Variants in NEK11 observed in about 807,000 individuals in gnomAD.
NEK11 encodes NIMA related kinase 11, also known as serine/threonine-protein kinase Nek11.
In NEK11, 72 loss-of-function variants were observed where a neutral mutation model predicts 80.7. That is an observed-to-expected ratio of 0.89 (90% CI 0.74 to 1.08). NEK11 has a LOEUF of 1.08. Ranked by LOEUF, NEK11 falls within the 50% of genes least tolerant of loss-of-function variation. NEK11 has a pLI of 0.00. For missense variants in NEK11, 764 were observed against 763.6 expected, an observed-to-expected ratio of 1.00 and a Z score of -0.01; for synonymous variants, 251 against 260.7, an observed-to-expected ratio of 0.96 and a Z score of 0.36.
intron 16 of NEK11, 37 bp downstream of exon 16, chr3:131,243,533 A>G: frequency 1.3e-6 from 2 of 1,510,352 alleles, no homozygotes; most frequent in Non-Finnish European, 1.8e-6. Context: ...ATACATTGAC[A>G]GCTACTGATT....
At chr3:131,300,498 T>C (rs2096649363) in intron 17 of NEK11, among the ~76,000 whole-genome samples, 1 of 152,198 alleles carries the variant, frequency 6.6e-6, no homozygotes, top group African/African-American at 2.4e-5. Context: ...CCTTCCAGGA[T>C]TTTTATTGTT....
At chr3:131,048,297 C>G (rs1279010522) in intron 3 of NEK11, among the ~76,000 whole-genome samples, 2 of 152,172 alleles carry the variant, frequency 1.3e-5, no homozygotes, top group African/African-American at 4.8e-5. Context: ...CGCCCCCTCC[C>G]CCAGGTTCTG....
At chr3:131,206,584 T>G (rs1313683758) in intron 14 of NEK11, among the ~76,000 whole-genome samples, 1 of 152,178 alleles carries the variant, frequency 6.6e-6, no homozygotes, top group Non-Finnish European at 1.5e-5. Context: ...AAGCAAAAAT[T>G]AAAGTAAGAA....
intron 3 of NEK11, among the ~76,000 whole-genome samples, chr3:131,067,248 TA>T (rs1320405216): frequency 3.9e-5 from 6 of 152,204 alleles, no homozygotes; most frequent in African/African-American, 1.2e-4. Context: ...CTGTGACAAG[TA>T]AAGTACCTTC....
intron 16 of NEK11, among the ~76,000 whole-genome samples, chr3:131,249,219 T>C (rs926379023): frequency 2.0e-5 from 3 of 151,990 alleles, no homozygotes; most frequent in African/African-American, 7.2e-5. Flanking sequence ...GATAACTGAT[T>C]TAGAAAACAG....
chr3:131,335,037 G>A (rs1316434781), intron 17 of NEK11, among the ~76,000 whole-genome samples: 1 of 152,098 alleles, frequency 6.6e-6, no homozygotes, highest in African/African-American at 2.4e-5. Flanking sequence ...TTCTACCAGA[G>A]GTACAAGGAG....
In NEK11 at chr3:131,029,898, A is replaced by G. The variant is rs751315843; in HGVS notation, c.170+20A>G. On this transcript the variant is annotated intron_variant, in intron 3 of 17. Coordinates refer to ENST00000383366, the MANE Select transcript of NEK11 (RefSeq NM_024800.5). The stretch of plus-strand genomic sequence containing the variant: ...GGAATTGTAAGTAAAAATGCTTCCT[A>G]TGAATCTTGAGTAGGCTGCTTTTTG... 4.3e-6 allele frequency: 7 copies of G among 1,611,616 alleles called. No individual in the cohort carries two copies. Among genetic ancestry groups the G allele is most frequent in the East Asian group, 2.2e-5 (1 of 44,868 alleles).
intron 17 of NEK11, chr3:131,327,328 G>C (rs1174894732): frequency 6.6e-6 from 1 of 152,192 alleles, no homozygotes; most frequent in Non-Finnish European, 1.5e-5. Flanking sequence ...AGAAGGTATG[G>C]ATAAATATTA....
chr3:131,077,833 C>A (rs973304633), intron 3 of NEK11, among the ~76,000 whole-genome samples: 1 of 152,168 alleles, frequency 6.6e-6, no homozygotes, highest in African/African-American at 2.4e-5. Flanking sequence ...GTCTGAAATG[C>A]CACTCCTAAT....
intron 17 of NEK11, among the ~76,000 whole-genome samples, chr3:131,294,288 C>T (rs1040311317): frequency 1.3e-5 from 2 of 151,954 alleles, no homozygotes; most frequent in South Asian, 2.1e-4. Context: ...GTTCAAAATA[C>T]GTTAAAATTT....
chr3:131,063,882 T>C (rs1216449196), intron 3 of NEK11, among the ~76,000 whole-genome samples: 1 of 152,142 alleles, frequency 6.6e-6, no homozygotes, highest in Non-Finnish European at 1.5e-5. Flanking sequence ...TACACAAATG[T>C]TTACAGCAGC....
intron 17 of NEK11, chr3:131,328,870 GAAC>G (rs2097022187): frequency 6.6e-6 from 1 of 152,214 alleles, no homozygotes; most frequent in African/African-American, 2.4e-5. Context: ...GGCATCTGCT[GAAC>G]AACACTGTGT....
chr3:131,342,823 T>A (rs2097306471), intron 17 of NEK11, among the ~76,000 whole-genome samples: 1 of 152,144 alleles, frequency 6.6e-6, no homozygotes, highest in African/African-American at 2.4e-5. Context: ...ATTTAAGTAT[T>A]TTACTCCATT....
At chr3:131,195,793 A>AAT (rs58272752) in intron 14 of NEK11, among the ~76,000 whole-genome samples, 6,941 of 133,830 alleles carry the variant, frequency 0.052, 250 homozygotes, top group African/African-American at 0.088. Flanking sequence ...TATATTTCAG[A>AAT]ATATATATAT....
intron 4 of NEK11, among the ~76,000 whole-genome samples, chr3:131,107,311 A>T (rs2079340469): frequency 6.6e-6 from 1 of 152,078 alleles, no homozygotes; most frequent in Admixed American, 6.6e-5. Context: ...AAAGCGATAC[A>T]TTGGGTTGAC....
intron 14 of NEK11, among the ~76,000 whole-genome samples, chr3:131,209,897 A>G (rs2094556863): frequency 6.6e-6 from 1 of 151,962 alleles, no homozygotes; most frequent in African/African-American, 2.4e-5. Context: ...TAGTCTTGCT[A>G]GCATCTATCT....
chr3:131,045,786 C>T (rs1396100690), intron 3 of NEK11, among the ~76,000 whole-genome samples: 4 of 152,034 alleles, frequency 2.6e-5, no homozygotes, highest in South Asian at 2.1e-4. Flanking sequence ...TTGGGAGCTC[C>T]AGTGTTGGGT....
chr3:131,138,904 G>A (rs140253498), intron 7 of NEK11, among the ~76,000 whole-genome samples: 2 of 152,236 alleles, frequency 1.3e-5, no homozygotes, highest in East Asian at 3.9e-4. Context: ...TTCCCAAGGA[G>A]GATGGGTACA....
At chr3:131,271,697 A>C (rs1183658074) in intron 16 of NEK11, among the ~76,000 whole-genome samples, 2 of 152,118 alleles carry the variant, frequency 1.3e-5, no homozygotes, top group Non-Finnish European at 2.9e-5. Context: ...TGGGAGGCTG[A>C]GGCAGGAGAA....
Sources: gnomAD v4.1 joint callset for allele counts (sites outside exome capture counted in the v4.1 genomes callset) on GRCh38, gnomAD v4.1.1 for gene constraint, MANE v1.5 for transcripts, NCBI Gene and HGNC (gene_info 2026-07-23, HGNC 2026-07-21) for gene names.